The following LCK variants were observed in gnomAD, a reference collection of about 807,000 sequenced individuals.
LCK encodes tyrosine-protein kinase Lck.
A neutral mutation model predicts 64.6 loss-of-function variants in LCK; 14 were observed. The observed-to-expected ratio is 0.22, with a 90% CI of 0.14 to 0.34. The LOEUF (loss-of-function observed/expected upper bound fraction) is 0.34. LCK is among the 10% of genes least tolerant of loss of function. LCK has a pLI of 1.00. For synonymous variants in LCK, 277 were observed against 263.6 expected (o/e 1.05, Z -0.49); for missense variants, 434 against 668.1 (o/e 0.65, Z 3.86).
chr1:32,280,450 T>C (rs1322524517), intron 12 of LCK, among the ~76,000 whole-genome samples: 2 of 115,322 alleles, frequency 1.7e-5, no homozygotes, highest in Admixed American at 1.6e-4. Flanking sequence ...TTTCTTTTTT[T>C]TTTTTTTTTT....
At chr1:32,258,480 A>T (rs1021131701) in intron 1 of LCK, among the ~76,000 whole-genome samples, 18 of 114,814 alleles carry the variant, frequency 1.6e-4, no homozygotes, top group Non-Finnish European at 2.4e-4. Context: ...CCATCTCTTT[A>T]AAAAAAAAAA....
chr1:32,272,629 G>GAGAGAGAGAGAA lies in LCK; in HGVS notation c.-5-1685_-5-1684insAAGAGAGAGAGA, dbSNP rs1234010328. On this transcript the variant is annotated intron_variant, in intron 1 of 12. Transcript: ENST00000336890. ...AAAGAGAGAGAGAGAGAGAAAGAGA[G>GAGAGAGAGAGAA]AGAGAGAGAGAGAGAGAGAGCGAGA... 1.7e-3 allele frequency among the ~76,000 whole-genome samples: 246 copies of GAGAGAGAGAGAA among 146,686 alleles called. 2 individuals carry two copies. Among genetic ancestry groups the GAGAGAGAGAGAA allele is most frequent in the Admixed American group, 5.5e-3 (82 of 15,000 alleles).
intron 1 of LCK, among the ~76,000 whole-genome samples, chr1:32,262,963 T>G (rs1280039930): frequency 6.6e-6 from 1 of 151,794 alleles, no homozygotes; most frequent in Non-Finnish European, 1.5e-5. Context: ...CAGGACATTC[T>G]TTTCTCCCAA....
At chr1:32,255,807 T>TA (rs1639617438) in intron 1 of LCK, among the ~76,000 whole-genome samples, 3 of 150,196 alleles carry the variant, frequency 2.0e-5, no homozygotes, top group South Asian at 2.1e-4. Context: ...TTTATTTTTT[T>TA]TTTTTTTTTT....
chr1:32,277,008 G>C (rs1015112005), intron 9 of LCK: 3 of 376,926 alleles, frequency 8.0e-6, no homozygotes, highest in African/African-American at 2.1e-5. Flanking sequence ...TCAGGAGTTC[G>C]AGACCAGCCT....
intron 1 of LCK, among the ~76,000 whole-genome samples, chr1:32,268,067 G>A (rs1231144642): frequency 1.3e-5 from 2 of 151,786 alleles, no homozygotes; most frequent in Admixed American, 6.6e-5. Flanking sequence ...GGCGGCACGC[G>A]CCTGTAGTCC....
At chr1:32,280,045 A>T in intron 11 of LCK, 34 bp from the exon 12 acceptor site, 1 of 1,614,086 alleles carries the variant, frequency 6.2e-7, no homozygotes, top group South Asian at 1.1e-5. Flanking sequence ...CTGGCCAAGC[A>T]GACCCAGGTG....
intron 12 of LCK, among the ~76,000 whole-genome samples, chr1:32,285,052 C>T (rs1248595055): frequency 1.3e-5 from 2 of 150,916 alleles, no homozygotes; most frequent in Non-Finnish European, 2.9e-5. Context: ...GCCTGTAATC[C>T]AGCACTTTGG....
intron 1 of LCK, among the ~76,000 whole-genome samples, chr1:32,272,961 GT>G (rs1462020220): frequency 4.0e-5 from 6 of 148,656 alleles, no homozygotes; most frequent in African/African-American, 1.5e-4. Flanking sequence ...ATGTGTGTGT[GT>G]GGGGTGAGTG....
At chr1:32,256,230 C>T (rs1425557965) in intron 1 of LCK, among the ~76,000 whole-genome samples, 1 of 151,972 alleles carries the variant, frequency 6.6e-6, no homozygotes, top group Admixed American at 6.6e-5. Context: ...CCTCTGTCTC[C>T]GGGTTCAAGC....
rs188979945 is a variant in LCK, at chr1:32,284,542, G to T, written c.1328-972G>T. On this transcript the variant is annotated intron_variant, in intron 12 of 12. Transcript: ENST00000336890. Reference sequence around the variant, plus strand: ...ATACCACCAAGCCTGGCTAATTTTTGTATTTTTAGTAAAGATGGGGTTTTG... The same window carrying T: ...ATACCACCAAGCCTGGCTAATTTTTTTATTTTTAGTAAAGATGGGGTTTTG... 7.3e-3 allele frequency among the ~76,000 whole-genome samples: 1,114 copies of T among 151,600 alleles called. 18 individuals carry two copies. Among genetic ancestry groups the T allele is most frequent in the African/African-American group, 0.025 (1,043 of 41,324 alleles).
At position 32,286,091 on chromosome 1, in the gene LCK, C is replaced by G; in HGVS notation, c.*375C>G. On this transcript the variant is annotated 3_prime_UTR_variant, in exon 13 of 13. Transcript: ENST00000336890. ...CAAGGGCCAGGACTTTATCTAATAC[C>G]TCTGTGTGCTCCTCCTTGGTGCCTG... 3.0e-6 allele frequency: 1 copy of G among 337,468 alleles called. No homozygotes were observed. The highest frequency in any genetic ancestry group is 5.6e-6 in the Non-Finnish European group (1 of 179,728). 20.9% of individuals were successfully genotyped at this position (337,468 alleles called of 1,614,324 possible). A position where few individuals can be genotyped will look rare whatever the true frequency, so the allele number is the denominator to read the frequency against.
chr1:32,262,591 T>C (rs1023797158), intron 1 of LCK, among the ~76,000 whole-genome samples: 3 of 151,376 alleles, frequency 2.0e-5, no homozygotes, highest in African/African-American at 7.3e-5. Flanking sequence ...ACCTGGCTAA[T>C]TTTTGTATTT....
intron 1 of LCK, among the ~76,000 whole-genome samples, chr1:32,259,629 AAATAAT>A (rs762289799): frequency 2.0e-5 from 3 of 149,504 alleles, no homozygotes; most frequent in South Asian, 4.2e-4. Context: ...AAAAAAATAA[AAATAAT>A]AATAATAATA....
chr1:32,274,644 C>T (rs1214052568), intron 2 of LCK, 93 bp from the exon 3 acceptor site: 2 of 1,107,460 alleles, frequency 1.8e-6, no homozygotes, highest in Non-Finnish European at 2.6e-6. Flanking sequence ...TCTAACCAGG[C>T]TGGAGAGGCT....
chr1:32,284,815 G>A (rs1286879736), intron 12 of LCK, among the ~76,000 whole-genome samples: 1 of 152,170 alleles, frequency 6.6e-6, no homozygotes, highest in Non-Finnish European at 1.5e-5. Flanking sequence ...GTGTATTATT[G>A]AGCATTTAAT....
At chr1:32,262,905 C>G (rs1356486294) in intron 1 of LCK, among the ~76,000 whole-genome samples, 1 of 151,092 alleles carries the variant, frequency 6.6e-6, no homozygotes, top group Non-Finnish European at 1.5e-5. Context: ...AAGGAATCCC[C>G]AGGGCTCCCA....
intron 2 of LCK, 44 bp from the exon 3 acceptor site, chr1:32,274,693 C>G: frequency 3.4e-6 from 5 of 1,477,510 alleles, no homozygotes; most frequent in Non-Finnish European, 3.7e-6. Flanking sequence ...GGGTCTGACC[C>G]AATCTTCTGC....
chr1:32,270,535 C>T (rs1316618030), intron 1 of LCK, among the ~76,000 whole-genome samples: 1 of 151,088 alleles, frequency 6.6e-6, no homozygotes, highest in Non-Finnish European at 1.5e-5. Flanking sequence ...GCTGGGATTA[C>T]AGGCGTGTGC....
Sources: gnomAD v4.1 joint callset for allele counts (sites outside exome capture counted in the v4.1 genomes callset) on GRCh38, gnomAD v4.1.1 for gene constraint, MANE v1.5 for transcripts, NCBI Gene and HGNC (gene_info 2026-07-23, HGNC 2026-07-21) for gene names.